CFAP47: variants seen among roughly 807,000 people sequenced by gnomAD.
CFAP47 encodes cilia- and flagella-associated protein 47.
A neutral mutation model predicts 148.1 loss-of-function variants in CFAP47; 29 were observed. The ratio of observed to expected loss-of-function variants is 0.20; its 90% confidence interval spans 0.15 to 0.27. The LOEUF (loss-of-function observed/expected upper bound fraction) is 0.27. Ranked by LOEUF, CFAP47 falls within the 10% of genes least tolerant of loss-of-function variation. CFAP47 has a pLI of 1.00. For missense variants in CFAP47, 1,872 were observed against 1,697.5 expected, an observed-to-expected ratio of 1.10 and a Z score of -1.81; for synonymous variants, 664 against 577.3, an observed-to-expected ratio of 1.15 and a Z score of -2.15.
intron 39 of CFAP47, among the ~76,000 whole-genome samples, chrX:36,166,633 G>C (rs1424530741): frequency 9.0e-6 from 1 of 111,169 alleles, no homozygotes; most frequent in Non-Finnish European, 1.9e-5. Flanking sequence ...TCTACTGTCT[G>C]TTACTTTTCT....
At chrX:36,270,240 T>C (rs1241176079) in intron 49 of CFAP47, among the ~76,000 whole-genome samples, 1 of 111,452 alleles carries the variant, frequency 9.0e-6, no homozygotes, top group Non-Finnish European at 1.9e-5. Context: ...AATTGCCTGA[T>C]AGTTTCCCAA....
chrX:36,046,945 G>T lies in CFAP47; in HGVS notation c.4099G>T (p.Val1367Phe). Reference sequence around the variant, plus strand: ...TTCTGTGAAATTTCCAAAAGGCAGAGTCATCCCAGGCTCTCACAGTGGAAT... The same window carrying T: ...TTCTGTGAAATTTCCAAAAGGCAGATTCATCCCAGGCTCTCACAGTGGAAT... Reference protein sequence around the residue: ...PLSVKFPKGRVIPGSHSGINN... With the variant: ...PLSVKFPKGRFIPGSHSGINN... The change falls in exon 26 of 64, where the codon GTC becomes TTC. Residue 1367 changes from valine to phenylalanine, a missense_variant. Transcript: ENST00000378653. 1 of 1,162,852 alleles carries T rather than the reference G, an allele frequency of 8.6e-7. No individual in the cohort carries two copies. The highest frequency in any genetic ancestry group is 3.3e-5 in the East Asian group (1 of 30,689).
intron 45 of CFAP47, among the ~76,000 whole-genome samples, chrX:36,220,752 A>G (rs1194939998): frequency 5.4e-5 from 6 of 111,700 alleles, no homozygotes; most frequent in African/African-American, 1.9e-4. Flanking sequence ...ATAGAAGAAT[A>G]CCTAAATTTA....
intron 33 of CFAP47, among the ~76,000 whole-genome samples, chrX:36,121,903 T>C (rs12013294): frequency 0.097 from 10,785 of 111,013 alleles, 1,037 homozygotes; most frequent in African/African-American, 0.3. Context: ...TTTTTTATTG[T>C]TCATTAACAT....
intron 49 of CFAP47, among the ~76,000 whole-genome samples, chrX:36,270,190 G>A (rs185328980): frequency 1.8e-5 from 2 of 111,432 alleles, no homozygotes; most frequent in Admixed American, 9.6e-5. Flanking sequence ...TGAATGCAAT[G>A]TTTAGATCAC....
rs180933899 is a variant in CFAP47 at position 35,931,931 on chromosome X, T to C, written c.401+5763T>C. ...ATGAGGAAAAATATAGCTGATTGTA[T>C]GTAGCTAGTGCTTTGCTATTTCCAT... On this transcript the variant is annotated intron_variant, in intron 2 of 63. Transcript: ENST00000378653. Among the ~76,000 whole-genome samples, 351 of 111,287 alleles carry C rather than the reference T, an allele frequency of 3.2e-3. 1 individual carries two copies. The highest frequency in any genetic ancestry group is 0.011 in the African/African-American group (338 of 30,644).
In CFAP47 at chrX:36,160,663, T is replaced by A; in HGVS notation, c.5938-18T>A. ...TTTTGTTATTATCATGTGGTAAGAC[T>A]TTATTTTTTTACTTTAGGACATTAT... On this transcript the variant is annotated intron_variant, in intron 38 of 63. Coordinates refer to ENST00000378653, the MANE Select transcript of CFAP47 (RefSeq NM_001304548.2). 3.4e-6 allele frequency: 1 copy of A among 292,673 alleles called. No homozygotes were observed. The highest frequency in any genetic ancestry group is 6.2e-5 in the Admixed American group (1 of 16,158). The allele number at this position is 292,673 out of a possible 1,213,427, so 24.1% of individuals were successfully genotyped here. A position where few individuals can be genotyped will look rare whatever the true frequency, so the allele number is the denominator to read the frequency against.
chrX:36,168,557 T>G (rs925759308), intron 39 of CFAP47, among the ~76,000 whole-genome samples: 6 of 111,647 alleles, frequency 5.4e-5, no homozygotes, highest in African/African-American at 2.0e-4. Context: ...GTCCTACTCC[T>G]GCTTATTTTA....
At chrX:36,308,265 T>C (rs190728383) in intron 55 of CFAP47, among the ~76,000 whole-genome samples, 81 of 111,813 alleles carry the variant, frequency 7.2e-4, no homozygotes, top group African/African-American at 2.5e-3. Flanking sequence ...TGAACACTGA[T>C]GGTTAATTTC....
chrX:36,203,353 A>T (rs889269436), intron 44 of CFAP47, among the ~76,000 whole-genome samples: 1 of 111,189 alleles, frequency 9.0e-6, no homozygotes, highest in African/African-American at 3.3e-5. Context: ...TTCTTTTTCA[A>T]TTCATTTTCT....
At chrX:36,291,192 A>G (rs1569309898) in intron 51 of CFAP47, among the ~76,000 whole-genome samples, 1 of 111,738 alleles carries the variant, frequency 8.9e-6, no homozygotes, top group Non-Finnish European at 1.9e-5. Context: ...TCTGATGGAA[A>G]CAATCTAATT....
intron 49 of CFAP47, among the ~76,000 whole-genome samples, chrX:36,260,711 G>A (rs1940806923): frequency 9.0e-6 from 1 of 111,693 alleles, no homozygotes; most frequent in Non-Finnish European, 1.9e-5. Context: ...CTTTAATTAG[G>A]TCCCGCTTGT....
chrX:35,980,259 A>G (rs1370808312), intron 15 of CFAP47, among the ~76,000 whole-genome samples: 1 of 111,924 alleles, frequency 8.9e-6, no homozygotes, highest in African/African-American at 3.2e-5. Context: ...TACCCCTGAT[A>G]TACTTAATAT....
intron 29 of CFAP47, 112 bp from the exon 30 acceptor site, chrX:36,085,202 A>T: frequency 2.1e-6 from 1 of 471,298 alleles, no homozygotes; most frequent in Non-Finnish European, 3.7e-6. Context: ...GGAGTTTCTT[A>T]CTTAGTTGAT....
intron 1 of CFAP47, among the ~76,000 whole-genome samples, chrX:35,922,533 A>G (rs1935593810): frequency 8.9e-6 from 1 of 112,931 alleles, no homozygotes; most frequent in East Asian, 2.8e-4. Flanking sequence ...CTTACTTACA[A>G]GAAGATAGTC....
intron 39 of CFAP47, among the ~76,000 whole-genome samples, chrX:36,168,460 A>G (rs954508173): frequency 1.8e-5 from 2 of 112,426 alleles, no homozygotes; most frequent in Admixed American, 9.4e-5. Context: ...TCTGCAATGT[A>G]TCTCTTTTTC....
intron 45 of CFAP47, among the ~76,000 whole-genome samples, chrX:36,214,097 A>G (rs1309118987): frequency 9.0e-6 from 1 of 111,637 alleles, no homozygotes; most frequent in African/African-American, 3.3e-5. Flanking sequence ...CCTAGATGGT[A>G]TAGCCTACTA....
intron 21 of CFAP47, among the ~76,000 whole-genome samples, chrX:36,013,581 G>T (rs752893860): frequency 4.6e-4 from 51 of 110,995 alleles, no homozygotes; most frequent in African/African-American, 1.6e-3. Context: ...TGAGGGGGAG[G>T]TATCGATGGT....
At chrX:35,991,492 T>G (rs1936788573) in intron 16 of CFAP47, among the ~76,000 whole-genome samples, 1 of 110,237 alleles carries the variant, frequency 9.1e-6, no homozygotes, top group Non-Finnish European at 1.9e-5. Flanking sequence ...CCAAAATATC[T>G]AAATAAAATA....
Sources: gnomAD v4.1 joint callset for allele counts (sites outside exome capture counted in the v4.1 genomes callset) on GRCh38, gnomAD v4.1.1 for gene constraint, MANE v1.5 for transcripts, NCBI Gene and HGNC (gene_info 2026-07-23, HGNC 2026-07-21) for gene names.